The following USP20 variants were observed in gnomAD, a reference collection of about 807,000 sequenced individuals.
USP20 encodes the protein ubiquitin carboxyl-terminal hydrolase 20.
Under a neutral mutation model 124.2 loss-of-function variants are expected in USP20, and 80 were observed. The ratio of observed to expected loss-of-function variants is 0.64; its 90% CI spans 0.54 to 0.78. The LOEUF is 0.78. USP20 is among the 30% of genes least tolerant of loss of function. The pLI is 0.00. For missense variants in USP20, 1,043 were observed against 1,244.4 expected (o/e 0.84, Z 2.44); for synonymous variants, 481 against 512.3 (o/e 0.94, Z 0.83).
intron 1 of USP20, among the ~76,000 whole-genome samples, chr9:129,847,545 C>T (rs759337023): frequency 6.6e-6 from 1 of 152,112 alleles, no homozygotes; most frequent in Non-Finnish European, 1.5e-5. Flanking sequence ...TCATGATCCG[C>T]CCGCCTCAGC....
intron 22 of USP20, among the ~76,000 whole-genome samples, chr9:129,876,909 G>A (rs1310161217): frequency 2.6e-5 from 4 of 152,132 alleles, no homozygotes; most frequent in Non-Finnish European, 4.4e-5. Context: ...ACTAGTGCTA[G>A]TGACAACCAA....
chr9:129,868,750 C>T (rs1389329831), intron 11 of USP20, 112 bp from the exon 12 acceptor site: 1 of 1,470,186 alleles, frequency 6.8e-7, no homozygotes, highest in Non-Finnish European at 9.0e-7. Flanking sequence ...AGAGGAGACA[C>T]ATTAGGGTCA....
rs745973156 is a variant in USP20, at chr9:129,855,542, A to C, written c.82-765A>C. 2.0e-5 allele frequency among the ~76,000 whole-genome samples: 3 copies of C among 152,160 alleles called. No individual in the cohort carries two copies. The East Asian group carries it at 5.8e-4, about 29-fold the overall frequency. On this transcript the variant is annotated intron_variant, in intron 3 of 25. Coordinates refer to ENST00000372429, the MANE Select transcript of USP20 (RefSeq NM_001110303.4). ...ACATGTGGCTTTCATCCTGAGTCCA[A>C]GGTGGTTGCTTCAGCTCCTGCCATC...
At chr9:129,861,647 T>A in intron 8 of USP20, 35 bp downstream of exon 8, 1 of 1,606,310 alleles carries the variant, frequency 6.2e-7, no homozygotes, top group Non-Finnish European at 8.5e-7. Flanking sequence ...CCGAGAGCTG[T>A]CCCTGGCAAA....
At position 129,875,365 on chromosome 9, in the gene USP20, A is replaced by G. The variant is rs763552121; in HGVS notation, c.2104A>G (p.Met702Val). ...ERQQVVSLAA[M>V]REPSLLRFYV... is the part of the protein sequence containing the mutation. Reference sequence around the variant, plus strand: ...ACAGCAGGTGGTGTCCCTGGCCGCCATGCGGGAGCCCAGCCTGCTGCGGTT... The same window carrying G: ...ACAGCAGGTGGTGTCCCTGGCCGCCGTGCGGGAGCCCAGCCTGCTGCGGTT... The change falls in exon 20 of 26, where the codon ATG (methionine) becomes GTG (valine). Residue 702 changes from methionine (M) to valine (V), a missense_variant. By Grantham distance (21) the Met-to-Val change is conservative (BLOSUM62 1). Transcript: ENST00000372429. 6.2e-7 allele frequency: 1 copy of G among 1,613,092 alleles called. No homozygotes were observed. Among genetic ancestry groups the G allele is most frequent in the South Asian group, 1.1e-5 (1 of 91,052 alleles).
chr9:129,840,511 A>T (rs976954234), intron 1 of USP20, among the ~76,000 whole-genome samples: 14 of 152,322 alleles, frequency 9.2e-5, no homozygotes, highest in Admixed American at 7.2e-4. Context: ...CTATTTTTTT[A>T]AAAAGTCAAA....
chr9:129,839,753 G>C lies in USP20; in HGVS notation c.-129+4254G>C, dbSNP rs2032088128. ...TGAGGGACTGGTTCCTCGCTGGGAG[G>C]AGGAGGATGTAGCCAGAACCTCTGG... is the stretch of plus-strand genomic sequence containing the variant. On this transcript the variant is annotated intron_variant, in intron 1 of 25. Transcript: ENST00000372429. The surrounding 1 kb of genome is among the most constrained non-coding windows in gnomAD (Gnocchi z 4.5). 6.6e-6 allele frequency among the ~76,000 whole-genome samples: 1 copy of C among 152,082 alleles called. No homozygotes were observed. Among genetic ancestry groups the C allele is most frequent in the Non-Finnish European group, 1.5e-5 (1 of 67,996 alleles).
chr9:129,865,478 G>C (rs2033778402), intron 10 of USP20, 97 bp downstream of exon 10: 1 of 1,324,066 alleles, frequency 7.6e-7, no homozygotes. Context: ...AATGGCAGCT[G>C]AGCACTGGTT....
chr9:129,856,505 G>T, intron 4 of USP20, 145 bp downstream of exon 4: 2 of 932,922 alleles, frequency 2.1e-6, no homozygotes, highest in South Asian at 1.4e-5. Context: ...TGGGGCACAG[G>T]GGCACAGGAC....
In USP20 at chr9:129,879,674, C is replaced by T. The variant is rs758979373; in HGVS notation, c.2584+30C>T. On this transcript the variant is annotated intron_variant, in intron 24 of 25. Transcript: ENST00000372429. This position sits in a 1 kb window ranked among gnomAD's most constrained non-coding sequence, Gnocchi z 4.2. The stretch of plus-strand genomic sequence containing the variant: ...GTTCCCCCTGGGGTCAGCCAGGCTC[C>T]TCTCTGCCCTTCCTGGCTGCCAGGC... 17 of 1,612,462 alleles carry T rather than the reference C, an allele frequency of 1.1e-5. No individual in the cohort carries two copies. The highest frequency in any genetic ancestry group is 1.7e-6 in the Non-Finnish European group (2 of 1,178,900).
chr9:129,838,608 C>T (rs912653963), intron 1 of USP20, among the ~76,000 whole-genome samples: 1 of 152,282 alleles, frequency 6.6e-6, no homozygotes, highest in South Asian at 2.1e-4. Flanking sequence ...CCCCTTTAAA[C>T]TCTGAGATTG....
At chr9:129,848,026 G>A (rs1433626501) in intron 1 of USP20, among the ~76,000 whole-genome samples, 1 of 151,960 alleles carries the variant, frequency 6.6e-6, no homozygotes, top group Admixed American at 6.6e-5. Context: ...GGCCGAGCAC[G>A]GTGGCTCACG....
At chr9:129,867,975 G>A (rs372407147) in intron 10 of USP20, 30 bp from the exon 11 acceptor site, 48 of 1,592,338 alleles carry the variant, frequency 3.0e-5, no homozygotes, top group Non-Finnish European at 3.9e-5. Flanking sequence ...GCCTCCAGGG[G>A]AGCCCTGTTG....
intron 8 of USP20, among the ~76,000 whole-genome samples, chr9:129,861,839 C>T (rs979077900): frequency 6.6e-6 from 1 of 152,176 alleles, no homozygotes; most frequent in African/African-American, 2.4e-5. Context: ...AGGCTCAGTG[C>T]TCTGTTGTTT....
chr9:129,873,404 A>G (rs2034227512), intron 15 of USP20, 78 bp from the exon 16 acceptor site: 1 of 1,565,214 alleles, frequency 6.4e-7, no homozygotes, highest in Non-Finnish European at 8.8e-7. Context: ...TCTTAAGCAG[A>G]AATCATTATA....
Position 129,878,416 on chromosome 9 carries a change from G to T in USP20, c.2488G>T (p.Ala830Ser), listed in dbSNP as rs1323939880. Reference sequence around the variant, plus strand: ...CATGCAGTGGTTCCGGGAGTGGGAGGCGTTCGTCAAGGGGAAGGACAACGG... The same window carrying T: ...CATGCAGTGGTTCCGGGAGTGGGAGTCGTTCGTCAAGGGGAAGGACAACGG... The part of the protein sequence containing the change: ...ISMQWFREWE[A>S]FVKGKDNEPP... The change falls in exon 23 of 26, where the codon GCG (alanine) becomes TCG (serine). Residue 830 changes from alanine (A) to serine (S), a missense_variant. Ala to Ser is a moderately conservative substitution (Grantham distance 99, BLOSUM62 1). Transcript: ENST00000372429. The T allele has an allele frequency of 6.2e-7, 1 of 1,609,870 alleles. No homozygotes were observed. Among genetic ancestry groups the T allele is most frequent in the Admixed American group, 1.7e-5 (1 of 59,542 alleles).
rs972506508 is a variant in USP20, at chr9:129,839,315, A to C, written c.-129+3816A>C. ...GTGAGGTCACATGTGAGAACACCAGACTAAGATGTTAGTGTCAGTTCCAAT... is the reference window on the plus strand; with the variant it reads ...GTGAGGTCACATGTGAGAACACCAGCCTAAGATGTTAGTGTCAGTTCCAAT... On this transcript the variant is annotated intron_variant, in intron 1 of 25. Transcript: ENST00000372429. The surrounding 1 kb of genome is among the most constrained non-coding windows in gnomAD (Gnocchi z 4.5). Among the ~76,000 whole-genome samples the C allele has an allele frequency of 2.0e-5, 3 of 152,134 alleles. No homozygotes were observed. Among genetic ancestry groups the C allele is most frequent in the Admixed American group, 2.0e-4 (3 of 15,262 alleles).
intron 1 of USP20, among the ~76,000 whole-genome samples, chr9:129,842,925 C>G (rs933009699): frequency 1.3e-5 from 2 of 152,038 alleles, no homozygotes; most frequent in Admixed American, 6.6e-5. Flanking sequence ...CCAGTGTTTT[C>G]TGTACTACCG....
At chr9:129,840,746 G>A (rs375429448) in intron 1 of USP20, among the ~76,000 whole-genome samples, 3 of 150,542 alleles carry the variant, frequency 2.0e-5, no homozygotes, top group East Asian at 2.0e-4. Flanking sequence ...TAACCAAAGC[G>A]TGAGTTCCAC....
Sources: gnomAD v4.1 joint callset for allele counts (sites outside exome capture counted in the v4.1 genomes callset) on GRCh38, gnomAD v4.1.1 for gene constraint, Gnocchi (gnomAD v3.1) non-coding constraint, MANE v1.5 for transcripts, NCBI Gene and HGNC (gene_info 2026-07-23, HGNC 2026-07-21) for gene names.